NRG1: variants seen among roughly 807,000 people sequenced by gnomAD.
The protein encoded by NRG1 is pro-neuregulin-1, membrane-bound isoform.
A neutral mutation model predicts 63.8 loss-of-function variants in NRG1; 18 were observed. The observed-to-expected ratio is 0.28, with a 90% CI of 0.19 to 0.42. NRG1 has a LOEUF of 0.42. Among genes scored for constraint, NRG1 ranks in the 10% least tolerant of loss-of-function variants. The pLI, the probability that NRG1 is intolerant of heterozygous loss-of-function variation, is 1.00. For missense variants in NRG1, 762 were observed against 814.7 expected, an observed-to-expected ratio of 0.94 and a Z score of 0.79; for synonymous variants, 302 against 301.3, an observed-to-expected ratio of 1.00 and a Z score of -0.02.
At chr8:31,778,378 C>T (rs968900355) in intron 1 of NRG1, among the ~76,000 whole-genome samples, 9 of 152,174 alleles carry the variant, frequency 5.9e-5, no homozygotes, top group African/African-American at 1.9e-4. Context: ...CTTATATATA[C>T]CAGGCATGGG....
At chr8:32,447,032 G>C (rs897546986) in intron 1 of NRG1, among the ~76,000 whole-genome samples, 1 of 15,388 alleles carries the variant, frequency 6.5e-5, no homozygotes, top group Non-Finnish European at 1.5e-4. Context: ...TATTTATTTT[G>C]AGACAGAGTC....
intron 5 of NRG1, among the ~76,000 whole-genome samples, chr8:32,666,622 T>G (rs1056923233): frequency 2.0e-5 from 3 of 152,208 alleles, no homozygotes; most frequent in Admixed American, 2.0e-4. Context: ...CTGTTTTTGA[T>G]TCATCGTGGT....
intron 5 of NRG1, among the ~76,000 whole-genome samples, chr8:32,706,385 A>C (rs541621685): frequency 6.6e-6 from 1 of 152,354 alleles, no homozygotes. Flanking sequence ...CAAACAAGAA[A>C]GAATGCATAC....
intron 1 of NRG1, among the ~76,000 whole-genome samples, chr8:32,369,028 G>A (rs1004988437): frequency 6.6e-6 from 1 of 152,134 alleles, no homozygotes; most frequent in Non-Finnish European, 1.5e-5. Flanking sequence ...TTTCTACCCT[G>A]CTTTTCCATG....
At chr8:32,396,401 T>C (rs1033321877) in intron 1 of NRG1, among the ~76,000 whole-genome samples, 1 of 152,220 alleles carries the variant, frequency 6.6e-6, no homozygotes, top group African/African-American at 2.4e-5. Flanking sequence ...GTTTTTCACA[T>C]AGAGATCTTG....
intron 1 of NRG1, among the ~76,000 whole-genome samples, chr8:31,816,534 G>A (rs1017976182): frequency 2.0e-5 from 3 of 152,188 alleles, no homozygotes; most frequent in Non-Finnish European, 4.4e-5. Flanking sequence ...TGACCAAGAT[G>A]TCCTGACACA....
intron 1 of NRG1, among the ~76,000 whole-genome samples, chr8:32,030,966 T>G (rs2130467509): frequency 6.6e-6 from 1 of 152,228 alleles, no homozygotes; most frequent in South Asian, 2.1e-4. Flanking sequence ...GGTCAACTCA[T>G]CTGGTAGGAT....
intron 1 of NRG1, among the ~76,000 whole-genome samples, chr8:31,975,637 C>A (rs909329664): frequency 2.0e-5 from 3 of 152,164 alleles, no homozygotes; most frequent in Admixed American, 2.0e-4. Flanking sequence ...TCAGTCCTGA[C>A]CAAAACTATC....
At chr8:31,765,281 G>A (rs1050675685) in intron 1 of NRG1, among the ~76,000 whole-genome samples, 5 of 152,042 alleles carry the variant, frequency 3.3e-5, no homozygotes, top group Non-Finnish European at 5.9e-5. Context: ...TGGAAGTAGG[G>A]ACTGTTTTCT....
intron 1 of NRG1, among the ~76,000 whole-genome samples, chr8:32,484,381 A>G (rs551329781): frequency 1.3e-5 from 2 of 152,322 alleles, no homozygotes; most frequent in East Asian, 3.9e-4. Context: ...TGCACAAAAC[A>G]TGAGAGAAGG....
Position 32,208,953 on chromosome 8 carries a change from G to A in NRG1, c.38-386875G>A, listed in dbSNP as rs1235136017. On this transcript the variant is annotated intron_variant, in intron 1 of 10. Coordinates refer to the NRG1 transcript ENST00000519301. ...AAATTTTCAATAATAAGCATGCATA[G>A]CCTAATATATCATGTAGATGAGTGC... is the stretch of plus-strand genomic sequence containing the variant. Among the ~76,000 whole-genome samples, 7 of 152,190 alleles carry A rather than the reference G, an allele frequency of 4.6e-5. No individual in the cohort carries two copies. The East Asian group carries it at 1.4e-3, about 29-fold the overall frequency.
At chr8:32,744,447 G>A (rs1460547067) in intron 7 of NRG1, among the ~76,000 whole-genome samples, 1 of 152,014 alleles carries the variant, frequency 6.6e-6, no homozygotes, top group Non-Finnish European at 1.5e-5. Flanking sequence ...CACAGCTAAA[G>A]CAAATAGCTT....
intron 1 of NRG1, among the ~76,000 whole-genome samples, chr8:32,033,197 C>A (rs764878341): frequency 2.6e-5 from 4 of 151,150 alleles, no homozygotes; most frequent in South Asian, 2.1e-4. Context: ...CGGGTTTACA[C>A]CATTCTCCTG....
At chr8:32,623,096 G>C (rs1287763927) in intron 5 of NRG1, among the ~76,000 whole-genome samples, 1 of 152,212 alleles carries the variant, frequency 6.6e-6, no homozygotes, top group Non-Finnish European at 1.5e-5. Context: ...GAACAATTCA[G>C]TTTTTAATTT....
At chr8:32,758,213 C>T (rs1830016281) in intron 9 of NRG1, among the ~76,000 whole-genome samples, 1 of 152,076 alleles carries the variant, frequency 6.6e-6, no homozygotes, top group Admixed American at 6.5e-5. Context: ...GCAATTAAAA[C>T]ACAACTTCAA....
In NRG1 at chr8:32,616,825, T is replaced by A. The variant is rs774584486; in HGVS notation, c.452-10T>A. 11 of 1,601,292 alleles carry A rather than the reference T, an allele frequency of 6.9e-6. No homozygotes were observed. Among genetic ancestry groups the A allele is most frequent in the Non-Finnish European group, 9.4e-6 (11 of 1,168,676 alleles). On this transcript the variant is annotated splice_polypyrimidine_tract_variant and intron_variant, in intron 4 of 11. Coordinates refer to ENST00000356819, the Ensembl canonical transcript of NRG1. ...TCAATAAAGCCTCATTCCACTTTTA[T>A]GTTTTATAGAGTCTCCCATTAGAAT...
chr8:32,515,881 A>G (rs951941598), intron 1 of NRG1, among the ~76,000 whole-genome samples: 24 of 152,062 alleles, frequency 1.6e-4, no homozygotes, highest in African/African-American at 5.1e-4. Context: ...TACTCTGTCA[A>G]TTGTTTCTTT....
chr8:32,275,546 T>G (rs1285664119), intron 1 of NRG1, among the ~76,000 whole-genome samples: 2 of 151,886 alleles, frequency 1.3e-5, no homozygotes, highest in Non-Finnish European at 1.5e-5. Flanking sequence ...AGAGAGTGGA[T>G]GAAAGAGCAA....
At chr8:32,279,647 G>T (rs973603411) in intron 1 of NRG1, among the ~76,000 whole-genome samples, 1 of 152,190 alleles carries the variant, frequency 6.6e-6, no homozygotes, top group Non-Finnish European at 1.5e-5. Flanking sequence ...CACCACGCCC[G>T]GCCAAGGCTC....
Sources: allele counts gnomAD v4.1 joint callset (sites outside exome capture counted in the v4.1 genomes callset), GRCh38; gene constraint gnomAD v4.1.1; transcripts MANE v1.5; gene names NCBI Gene and HGNC (gene_info 2026-07-23, HGNC 2026-07-21).